The following RAPGEF5 variants were observed in gnomAD, a reference collection of about 807,000 sequenced individuals.
RAPGEF5 encodes M-Ras-regulated GEF.
Under a neutral mutation model 125.2 loss-of-function variants are expected in RAPGEF5, and 65 were observed. That is an observed-to-expected ratio of 0.52 (90% CI 0.43 to 0.64). The LOEUF is 0.64. RAPGEF5 is among the 30% of genes least tolerant of loss of function. The pLI, the probability that RAPGEF5 is intolerant of heterozygous loss-of-function variation, is 0.00. For missense variants in RAPGEF5, 958 were observed against 1,048.1 expected (o/e 0.91, Z 1.19); for synonymous variants, 391 against 385.9 (o/e 1.01, Z -0.16).
intron 2 of RAPGEF5, among the ~76,000 whole-genome samples, chr7:22,316,293 G>C (rs1783587417): frequency 6.6e-6 from 1 of 150,516 alleles, no homozygotes; most frequent in African/African-American, 2.4e-5. Context: ...ATATTACTGG[G>C]GGTACATGCC....
At chr7:22,134,037 A>G (rs1487767912) in intron 23 of RAPGEF5, among the ~76,000 whole-genome samples, 6 of 152,182 alleles carry the variant, frequency 3.9e-5, no homozygotes, top group Non-Finnish European at 1.5e-5. Context: ...TCAAAGTGGG[A>G]GGCACAAGAG....
intron 6 of RAPGEF5, among the ~76,000 whole-genome samples, chr7:22,283,705 T>C (rs1173257709): frequency 6.6e-6 from 1 of 152,120 alleles, no homozygotes; most frequent in African/African-American, 2.4e-5. Context: ...CAATAAAAAG[T>C]CTATATTTTC....
intron 7 of RAPGEF5, among the ~76,000 whole-genome samples, chr7:22,237,624 AG>A (rs1428945002): frequency 3.9e-5 from 6 of 152,058 alleles, no homozygotes. Context: ...CTGCTATATT[AG>A]CCCCTAGTTT....
chr7:22,139,383 G>T (rs1783182640), intron 21 of RAPGEF5, among the ~76,000 whole-genome samples: 1 of 152,148 alleles, frequency 6.6e-6, no homozygotes, highest in Non-Finnish European at 1.5e-5. Flanking sequence ...ACGGTGAGGG[G>T]ACCATGAGTG....
At position 22,143,971 on chromosome 7, in the gene RAPGEF5, C is replaced by T. The variant is rs1783347734; in HGVS notation, c.2186+1073G>A. Among the ~76,000 whole-genome samples the T allele has an allele frequency of 2.0e-5, 3 of 152,200 alleles. No homozygotes were observed. The South Asian group carries it at 6.2e-4, about 31-fold the overall frequency. On this transcript the variant is annotated intron_variant, in intron 20 of 25. Coordinates refer to ENST00000665637, the MANE Select transcript of RAPGEF5 (RefSeq NM_012294.5). ...ATAGTTTCTGAATATGCTGCACTGA[C>T]ATGTACTTGAAAACTGTTTGATATA... is the stretch of plus-strand genomic sequence containing the variant.
At chr7:22,259,833 C>G (rs10452783) in intron 7 of RAPGEF5, among the ~76,000 whole-genome samples, 9 of 152,186 alleles carry the variant, frequency 5.9e-5, no homozygotes, top group African/African-American at 1.9e-4. Context: ...CTCCTGACCT[C>G]GTGATCCACC....
At chr7:22,166,056 T>C (rs1281435209) in intron 12 of RAPGEF5, among the ~76,000 whole-genome samples, 1 of 147,210 alleles carries the variant, frequency 6.8e-6, no homozygotes, top group African/African-American at 2.5e-5. Context: ...GTATATTATA[T>C]ATATATTATA....
intron 1 of RAPGEF5, among the ~76,000 whole-genome samples, chr7:22,325,366 C>G (rs1783794005): frequency 6.6e-6 from 1 of 152,134 alleles, no homozygotes; most frequent in African/African-American, 2.4e-5. Context: ...TGTCTGATAA[C>G]CTGCCAAGTG....
chr7:22,295,366 T>C (rs10264401), intron 5 of RAPGEF5, among the ~76,000 whole-genome samples: 22,348 of 152,228 alleles, frequency 0.15, 1,681 homozygotes, highest in South Asian at 0.2. Flanking sequence ...TAATCTAAAC[T>C]GAATAAAATT....
chr7:22,313,018 C>G (rs747589780), intron 3 of RAPGEF5, among the ~76,000 whole-genome samples: 18 of 152,204 alleles, frequency 1.2e-4, no homozygotes, highest in Non-Finnish European at 2.4e-4. Flanking sequence ...TATTTTCAGT[C>G]TTGTACTCAA....
At chr7:22,339,824 T>A (rs1784092799) in intron 1 of RAPGEF5, among the ~76,000 whole-genome samples, 1 of 152,220 alleles carries the variant, frequency 6.6e-6, no homozygotes, top group South Asian at 2.1e-4. Flanking sequence ...CTCATATGTA[T>A]CCTTTGACCA....
intron 5 of RAPGEF5, among the ~76,000 whole-genome samples, chr7:22,303,981 A>G (rs1355976344): frequency 6.6e-6 from 1 of 152,198 alleles, no homozygotes; most frequent in Admixed American, 6.5e-5. Flanking sequence ...CAGGGGTGAA[A>G]AGAATGGGAT....
chr7:22,313,077 T>C (rs1174938934), intron 3 of RAPGEF5, among the ~76,000 whole-genome samples: 1 of 152,148 alleles, frequency 6.6e-6, no homozygotes. Flanking sequence ...GTTTCAATAC[T>C]AGGTAGGAAT....
chr7:22,159,831 G>A (rs1334076359), intron 14 of RAPGEF5, among the ~76,000 whole-genome samples: 5 of 6,964 alleles, frequency 7.2e-4, no homozygotes, highest in East Asian at 0.014. Context: ...TCCACAGGCC[G>A]GGTGTGGTGA....
chr7:22,128,061 G>T lies in RAPGEF5; in HGVS notation c.2482-2403C>A, dbSNP rs1449998374. ...TCATTTTAAGCTCTGGCGTCACATT[G>T]ATTTCTATCATATGCCATTTGCGTA... is the stretch of plus-strand genomic sequence containing the variant. On this transcript the variant is annotated intron_variant, in intron 24 of 25. Coordinates refer to ENST00000665637, the MANE Select transcript of RAPGEF5 (RefSeq NM_012294.5). Among the ~76,000 whole-genome samples, 4 of 152,044 alleles carry T rather than the reference G, an allele frequency of 2.6e-5. 1 individual carries two copies. The highest frequency in any genetic ancestry group is 9.7e-5 in the African/African-American group (4 of 41,384).
At chr7:22,315,961 G>A (rs1037141793) in intron 2 of RAPGEF5, among the ~76,000 whole-genome samples, 5 of 152,034 alleles carry the variant, frequency 3.3e-5, no homozygotes. Flanking sequence ...TTGACAGCAG[G>A]CTGCTTTACT....
intron 24 of RAPGEF5, among the ~76,000 whole-genome samples, chr7:22,128,234 G>C (rs772277213): frequency 1.3e-5 from 2 of 152,106 alleles, no homozygotes; most frequent in Non-Finnish European, 2.9e-5. Flanking sequence ...ATAAAGAGAA[G>C]AAAAGAAACC....
chr7:22,193,159 G>A (rs992171573), intron 11 of RAPGEF5: 1 of 603,722 alleles, frequency 1.7e-6, no homozygotes, highest in African/African-American at 1.8e-5. Context: ...TCTTTGTACA[G>A]CTACTTCCCA....
intron 7 of RAPGEF5, among the ~76,000 whole-genome samples, chr7:22,262,152 A>G (rs1782170304): frequency 6.6e-6 from 1 of 152,202 alleles, no homozygotes; most frequent in Non-Finnish European, 1.5e-5. Flanking sequence ...TTTGCCAACC[A>G]GTCCTTATCA....
Sources: allele counts gnomAD v4.1 joint callset (sites outside exome capture counted in the v4.1 genomes callset), GRCh38; gene constraint gnomAD v4.1.1; transcripts MANE v1.5; gene names NCBI Gene and HGNC (gene_info 2026-07-23, HGNC 2026-07-21).